UVRAG: variants seen among roughly 807,000 people sequenced by gnomAD.
UVRAG encodes UV radiation resistance-associated gene protein.
UVRAG carries 19 observed loss-of-function variants against 78.0 expected under a neutral mutation model. The ratio of observed to expected loss-of-function variants is 0.24; its 90% CI spans 0.17 to 0.36. The LOEUF (loss-of-function observed/expected upper bound fraction) is 0.36. UVRAG is among the 10% of genes least tolerant of loss of function. The probability of loss-of-function intolerance (pLI) is 1.00; values close to 1 mark genes in which losing one functional copy is unlikely to be tolerated. For missense variants in UVRAG, 740 were observed against 853.8 expected (o/e 0.87, Z 1.66); for synonymous variants, 323 against 324.6 (o/e 1.00, Z 0.05).
intron 6 of UVRAG, among the ~76,000 whole-genome samples, chr11:75,954,913 C>T (rs1948765915): frequency 6.6e-6 from 1 of 152,190 alleles, no homozygotes; most frequent in South Asian, 2.1e-4. Context: ...GTTGCTTGAG[C>T]TGCCTCTTGA....
chr11:75,910,464 T>C (rs911710186), intron 5 of UVRAG, among the ~76,000 whole-genome samples: 4 of 151,996 alleles, frequency 2.6e-5, no homozygotes, highest in Non-Finnish European at 5.9e-5. Context: ...GAGTCTTTTT[T>C]TCTAAATTAC....
intron 6 of UVRAG, among the ~76,000 whole-genome samples, chr11:75,931,270 C>T (rs78987256): frequency 0.015 from 2,351 of 152,088 alleles, 24 homozygotes; most frequent in Non-Finnish European, 0.026. Flanking sequence ...GCTGGAGATA[C>T]AAATGTCACG....
At chr11:75,940,786 C>T (rs962353237) in intron 6 of UVRAG, among the ~76,000 whole-genome samples, 1 of 152,106 alleles carries the variant, frequency 6.6e-6, no homozygotes, top group Non-Finnish European at 1.5e-5. Flanking sequence ...GCAGATGAAG[C>T]ACGGGACTTT....
rs929975635 is a variant in UVRAG at position 75,815,475 on chromosome 11, C to T, written c.68C>T (p.Pro23Leu). ...CCCCCGGGCCCGGCCGCTGCTCTGCCTCCCGGTTCTGCCGCGCGGGCCCTG... is the reference window on the plus strand; with the variant it reads ...CCCCCGGGCCCGGCCGCTGCTCTGCTTCCCGGTTCTGCCGCGCGGGCCCTG... The part of the protein sequence containing the change: ...QPPPGPAAAL[P>L]PGSAARALHV... The change falls in exon 1 of 15, where the codon CCT becomes CTT. Residue 23 changes from proline (P) to leucine (L), a missense_variant. Transcript: ENST00000356136. 2.0e-5 allele frequency: 25 copies of T among 1,245,742 alleles called. No individual in the cohort carries two copies. Among genetic ancestry groups the T allele is most frequent in the African/African-American group, 4.7e-5 (3 of 64,466 alleles). The allele number at this position is 1,245,742 out of a possible 1,614,324, so 77.2% of individuals were successfully genotyped here.
rs1025508204 is a variant in UVRAG, at chr11:75,815,232, C to T, written c.-176C>T. On this transcript the variant is annotated 5_prime_UTR_variant, in exon 1 of 15. Transcript: ENST00000356136. ...TGCGGTAATATGGCTCTTCCTTAGC[C>T]AGCGGCGGCAACGGCGGCAGCGGCG... 8.9e-4 allele frequency: 399 copies of T among 449,344 alleles called. 2 individuals are homozygous for T. The highest frequency in any genetic ancestry group is 4.9e-4 in the Non-Finnish European group (127 of 257,962). The allele number at this position is 449,344 out of a possible 1,614,324, so 27.8% of individuals were successfully genotyped here.
chr11:75,844,330 C>T (rs1945988194), intron 1 of UVRAG, among the ~76,000 whole-genome samples: 1 of 151,902 alleles, frequency 6.6e-6, no homozygotes, highest in Non-Finnish European at 1.5e-5. Flanking sequence ...TGGGTTCACG[C>T]CATTCTCCTG....
At chr11:75,858,621 T>G (rs1946344991) in intron 2 of UVRAG, among the ~76,000 whole-genome samples, 1 of 152,202 alleles carries the variant, frequency 6.6e-6, no homozygotes. Flanking sequence ...TAGGGTAAAT[T>G]TCATAAAGTG....
Position 76,076,774 on chromosome 11 carries a change from A to G in UVRAG, c.1305+10986A>G, listed in dbSNP as rs150998756. On this transcript the variant is annotated intron_variant, in intron 13 of 14. Coordinates refer to ENST00000356136, the MANE Select transcript of UVRAG (RefSeq NM_003369.4). ...TCTTCTTTGGAGAAATAACTATTCC[A>G]ACCCTTTGACCATTTTTAAATTAGG... 7.1e-3 allele frequency among the ~76,000 whole-genome samples: 1,079 copies of G among 151,750 alleles called. 17 individuals are homozygous for G. The highest frequency in any genetic ancestry group is 0.025 in the African/African-American group (1,030 of 41,234).
chr11:75,898,200 T>C (rs1947393216), intron 5 of UVRAG, among the ~76,000 whole-genome samples: 1 of 152,168 alleles, frequency 6.6e-6, no homozygotes, highest in South Asian at 2.1e-4. Context: ...GTTTTGTCTG[T>C]AATTCATTTA....
chr11:76,064,174 C>T (rs1951144700), intron 12 of UVRAG, among the ~76,000 whole-genome samples: 1 of 152,178 alleles, frequency 6.6e-6, no homozygotes, highest in African/African-American at 2.4e-5. Flanking sequence ...ACTCTTCTAA[C>T]ATACGAAACA....
intron 13 of UVRAG, among the ~76,000 whole-genome samples, chr11:76,087,828 G>A (rs1368848092): frequency 6.6e-6 from 1 of 152,156 alleles, no homozygotes; most frequent in East Asian, 1.9e-4. Context: ...TCTGAACCCT[G>A]ATACTACTTG....
At chr11:76,125,390 G>A (rs1224961182) in intron 14 of UVRAG, among the ~76,000 whole-genome samples, 1 of 152,130 alleles carries the variant, frequency 6.6e-6, no homozygotes, top group Non-Finnish European at 1.5e-5. Context: ...AAGGCATATG[G>A]GTATCTGTAG....
chr11:75,874,405 A>T (rs1029544696), intron 3 of UVRAG, among the ~76,000 whole-genome samples: 2 of 152,162 alleles, frequency 1.3e-5, no homozygotes, highest in Non-Finnish European at 1.5e-5. Flanking sequence ...TTGATTTTTA[A>T]TTTTTCACAA....
intron 12 of UVRAG, among the ~76,000 whole-genome samples, chr11:76,018,851 T>C (rs1950193431): frequency 6.6e-6 from 1 of 152,232 alleles, no homozygotes; most frequent in South Asian, 2.1e-4. Context: ...TGTGGTGTTC[T>C]GTAACCTTCT....
rs147668245 is a variant in UVRAG at position 75,896,539 on chromosome 11, C to T, written c.507+7636C>T. ...ATAGGCACTCCTGACAACTATTACT[C>T]CAGTAAATGGAAACTTCTACTCACT... On this transcript the variant is annotated intron_variant, in intron 5 of 14. Coordinates refer to ENST00000356136, the MANE Select transcript of UVRAG (RefSeq NM_003369.4). 1.2e-4 allele frequency among the ~76,000 whole-genome samples: 19 copies of T among 152,256 alleles called. No individual in the cohort carries two copies. The East Asian group carries it at 3.3e-3, about 26-fold the overall frequency.
chr11:75,840,605 TTGG>T (rs1945888376), intron 1 of UVRAG, among the ~76,000 whole-genome samples: 1 of 152,214 alleles, frequency 6.6e-6, no homozygotes, highest in Non-Finnish European at 1.5e-5. Context: ...TGATTTGAAC[TTGG>T]TGGGAGAGCA....
chr11:76,137,131 C>G (rs1365282547), intron 14 of UVRAG: 1 of 316,494 alleles, frequency 3.2e-6, no homozygotes, highest in Non-Finnish European at 6.3e-6. Flanking sequence ...CATATTGTGC[C>G]CAGGACAGCT....
chr11:76,054,503 C>T (rs1220991999), intron 12 of UVRAG, among the ~76,000 whole-genome samples: 1 of 152,210 alleles, frequency 6.6e-6, no homozygotes, highest in African/African-American at 2.4e-5. Flanking sequence ...CAGGACCCTG[C>T]ATGATGTAAA....
At chr11:76,067,345 C>G (rs968869220) in intron 13 of UVRAG, among the ~76,000 whole-genome samples, 4 of 152,168 alleles carry the variant, frequency 2.6e-5, no homozygotes, top group African/African-American at 7.2e-5. Context: ...TTTTGGCAGA[C>G]AAGTATTTCA....
Sources: gnomAD v4.1 joint callset for allele counts (sites outside exome capture counted in the v4.1 genomes callset) on GRCh38, gnomAD v4.1.1 for gene constraint, MANE v1.5 for transcripts, NCBI Gene and HGNC (gene_info 2026-07-23, HGNC 2026-07-21) for gene names.